CPPED1: variants seen among roughly 807,000 people sequenced by gnomAD.
CPPED1 encodes calcineurin like phosphoesterase domain containing 1, also known as serine/threonine-protein phosphatase CPPED1.
CPPED1 carries 28 observed loss-of-function variants against 28.0 expected under a neutral mutation model. The ratio of observed to expected loss-of-function variants is 1.00; its 90% confidence interval spans 0.74 to 1.37. The LOEUF is 1.37. Ranked by LOEUF, CPPED1 falls within the 40% of genes most tolerant of loss-of-function variation. CPPED1 has a pLI of 0.00. For missense variants in CPPED1, 504 were observed against 416.5 expected, an observed-to-expected ratio of 1.21 and a Z score of -1.83; for synonymous variants, 198 against 180.2, an observed-to-expected ratio of 1.10 and a Z score of -0.79.
intron 2 of CPPED1, among the ~76,000 whole-genome samples, chr16:12,742,858 C>T (rs1438261309): frequency 6.6e-6 from 1 of 152,146 alleles, no homozygotes; most frequent in African/African-American, 2.4e-5. Flanking sequence ...GGACAAAAAA[C>T]GAGATCAGCA....
rs1383603097 is a variant in CPPED1 at position 12,660,836 on chromosome 16, G to C, written c.*4050C>G. The stretch of plus-strand genomic sequence containing the variant: ...AGTATTAAGAGTTCAAGTAAGGCTG[G>C]GTACAGTGGCCAACGCCTGTAATCC... On this transcript the variant is annotated 3_prime_UTR_variant, in exon 4 of 4. Transcript: ENST00000381774. The C allele has an allele frequency of 6.6e-6, 1 of 152,260 alleles. No homozygotes were observed. The highest frequency in any genetic ancestry group is 2.4e-5 in the African/African-American group (1 of 41,466). 9.4% of individuals were successfully genotyped at this position (152,260 alleles called of 1,614,324 possible).
intron 2 of CPPED1, among the ~76,000 whole-genome samples, chr16:12,777,201 A>G (rs995656038): frequency 2.6e-5 from 4 of 152,226 alleles, no homozygotes; most frequent in Admixed American, 1.3e-4. Context: ...CTTTATATCA[A>G]GGGAAGAATT....
chr16:12,696,479 C>T (rs958848507), intron 3 of CPPED1, among the ~76,000 whole-genome samples: 15 of 143,500 alleles, frequency 1.0e-4, no homozygotes, highest in African/African-American at 2.1e-4. Flanking sequence ...GTCACTCAGT[C>T]GCCCAGGGTG....
At chr16:12,718,268 G>A (rs1372719817) in intron 2 of CPPED1, among the ~76,000 whole-genome samples, 1 of 152,254 alleles carries the variant, frequency 6.6e-6, no homozygotes, top group Non-Finnish European at 1.5e-5. Context: ...GCCAGGCGCA[G>A]TGGCTTATGT....
intron 2 of CPPED1, among the ~76,000 whole-genome samples, chr16:12,767,411 C>T (rs1455961674): frequency 6.6e-6 from 1 of 152,172 alleles, no homozygotes; most frequent in African/African-American, 2.4e-5. Context: ...CTCACGAACA[C>T]ACCCAGAAAT....
chr16:12,702,713 T>A (rs996975854), intron 3 of CPPED1, among the ~76,000 whole-genome samples: 7 of 152,020 alleles, frequency 4.6e-5, no homozygotes, highest in African/African-American at 1.7e-4. Flanking sequence ...TAACATTAGA[T>A]CTGGCCAGCT....
In CPPED1 at chr16:12,664,566, T is replaced by A; in HGVS notation, c.*320A>T. On this transcript the variant is annotated 3_prime_UTR_variant, in exon 4 of 4. Coordinates refer to ENST00000381774, the MANE Select transcript of CPPED1 (RefSeq NM_018340.3). This position sits in a 1 kb window ranked among gnomAD's most constrained non-coding sequence, Gnocchi z 4.2. Reference sequence around the variant, plus strand: ...CGATAGGCAGACTTTGACCATATGCTAACCAGAATACAATCCAATTCAAAA... The same window carrying A: ...CGATAGGCAGACTTTGACCATATGCAAACCAGAATACAATCCAATTCAAAA... The A allele has an allele frequency of 8.7e-7, 1 of 1,143,234 alleles. No homozygotes were observed. Among genetic ancestry groups the A allele is most frequent in the Non-Finnish European group, 1.1e-6 (1 of 930,816 alleles). 70.8% of individuals were successfully genotyped at this position (1,143,234 alleles called of 1,614,324 possible). A position where few individuals can be genotyped will look rare whatever the true frequency, so the allele number is the denominator to read the frequency against.
At chr16:12,752,186 G>C (rs55843709) in intron 2 of CPPED1, among the ~76,000 whole-genome samples, 5 of 152,190 alleles carry the variant, frequency 3.3e-5, no homozygotes, top group African/African-American at 4.8e-5. Context: ...ATATAAAAAG[G>C]CTCCTGCTTT....
At chr16:12,793,581 A>G (rs767701046) in intron 1 of CPPED1, among the ~76,000 whole-genome samples, 6 of 152,314 alleles carry the variant, frequency 3.9e-5, no homozygotes, top group Admixed American at 6.5e-5. Context: ...CTCCTACCTC[A>G]AAAGGGTTGT....
At chr16:12,737,194 A>T (rs562915913) in intron 2 of CPPED1, among the ~76,000 whole-genome samples, 229 of 152,058 alleles carry the variant, frequency 1.5e-3, no homozygotes, top group Admixed American at 4.2e-3. Context: ...TGTCTCAAAA[A>T]AATAATAATA....
At chr16:12,764,223 A>G (rs1356833352) in intron 2 of CPPED1, among the ~76,000 whole-genome samples, 1 of 150,036 alleles carries the variant, frequency 6.7e-6, no homozygotes, top group Non-Finnish European at 1.5e-5. Context: ...TTTTCTTTTG[A>G]GACAGAGTTT....
Position 12,770,382 on chromosome 16 carries a change from C to G in CPPED1, c.289+10803G>C, listed in dbSNP as rs76238710. Among the ~76,000 whole-genome samples the G allele has an allele frequency of 3.2e-3, 484 of 152,284 alleles. 1 individual carries two copies. The highest frequency in any genetic ancestry group is 4.9e-3 in the Non-Finnish European group (333 of 68,036). On this transcript the variant is annotated intron_variant, in intron 2 of 3. Transcript: ENST00000381774. ...CCACCTGGCGTTACTGCAAGATTAA[C>G]CAATTATGAAATCCCCATCCACAGA...
intron 2 of CPPED1, among the ~76,000 whole-genome samples, chr16:12,706,470 T>TCCTTCCTTTCCTTTCTC (rs891181929): frequency 6.7e-6 from 1 of 150,080 alleles, no homozygotes; most frequent in African/African-American, 2.4e-5. Context: ...CTTCCTTCCT[T>TCCTTCCTTTCCTTTCTC]CCTTCCTTTC....
chr16:12,716,014 A>G (rs2080105341), intron 2 of CPPED1, among the ~76,000 whole-genome samples: 1 of 152,238 alleles, frequency 6.6e-6, no homozygotes, highest in Non-Finnish European at 1.5e-5. Context: ...CAAGGTAGTG[A>G]TTTTATGGTT....
chr16:12,746,060 A>G (rs2080285204), intron 2 of CPPED1: 3 of 152,218 alleles, frequency 2.0e-5, no homozygotes, highest in Admixed American at 1.3e-4. Flanking sequence ...AATCAATACA[A>G]AACAAAATTG....
chr16:12,764,719 C>T (rs1024020365), intron 2 of CPPED1, among the ~76,000 whole-genome samples: 1 of 152,224 alleles, frequency 6.6e-6, no homozygotes, highest in African/African-American at 2.4e-5. Context: ...TTCTCTAACT[C>T]AACCACCTCC....
intron 2 of CPPED1, among the ~76,000 whole-genome samples, chr16:12,778,940 G>T (rs1341479477): frequency 6.6e-6 from 1 of 152,198 alleles, no homozygotes; most frequent in Non-Finnish European, 1.5e-5. Context: ...TCACATTTAT[G>T]AAGTCTTGAC....
intron 2 of CPPED1, among the ~76,000 whole-genome samples, chr16:12,770,152 A>G (rs1355117408): frequency 6.6e-6 from 1 of 152,214 alleles, no homozygotes; most frequent in Non-Finnish European, 1.5e-5. Context: ...AGCATGGAAG[A>G]AAAGTCCTGG....
At chr16:12,713,232 G>T (rs1039461368) in intron 2 of CPPED1, among the ~76,000 whole-genome samples, 3 of 152,196 alleles carry the variant, frequency 2.0e-5, no homozygotes, top group Non-Finnish European at 4.4e-5. Flanking sequence ...TTCTAGAGCA[G>T]ATGACTTTAA....
Sources: gnomAD v4.1 joint callset for allele counts (sites outside exome capture counted in the v4.1 genomes callset) on GRCh38, gnomAD v4.1.1 for gene constraint, Gnocchi (gnomAD v3.1) non-coding constraint, MANE v1.5 for transcripts, NCBI Gene and HGNC (gene_info 2026-07-23, HGNC 2026-07-21) for gene names.